PNPLA1: variants seen among roughly 807,000 people sequenced by gnomAD.
PNPLA1 encodes omega-hydroxyceramide transacylase.
In PNPLA1, 36 loss-of-function variants were observed where a neutral mutation model predicts 51.7. That is an observed-to-expected ratio of 0.70 (90% CI 0.53 to 0.92). PNPLA1 has a LOEUF of 0.92. PNPLA1 is among the 40% of genes least tolerant of loss of function. The probability of loss-of-function intolerance (pLI) is 0.00; values close to 1 mark genes in which losing one functional copy is unlikely to be tolerated. For missense variants in PNPLA1, 658 were observed against 682.5 expected, an observed-to-expected ratio of 0.96 and a Z score of 0.40; for synonymous variants, 293 against 280.1, an observed-to-expected ratio of 1.05 and a Z score of -0.46.
intron 1 of PNPLA1, among the ~76,000 whole-genome samples, chr6:36,284,240 G>A (rs1770407564): frequency 2.6e-5 from 4 of 152,226 alleles, no homozygotes; most frequent in Admixed American, 2.6e-4. Context: ...ATGACAATCG[G>A]ATATAAGCCA....
In PNPLA1 at chr6:36,288,773, A is replaced by T. The variant is rs145526196; in HGVS notation, c.206-2547A>T. 3.4e-3 allele frequency among the ~76,000 whole-genome samples: 513 copies of T among 152,038 alleles called. 2 individuals carry two copies. Among genetic ancestry groups the T allele is most frequent in the African/African-American group, 0.011 (460 of 41,500 alleles). On this transcript the variant is annotated intron_variant, in intron 1 of 8. Coordinates refer to ENST00000636260, the MANE Select transcript of PNPLA1 (RefSeq NM_001374623.1). ...ATGCCCGGCTGGAGACCCTATTTTT[A>T]AAAAAATAAAAAAATCAGCTGGGTG...
chr6:36,272,864 G>A (rs1769962466), intron 1 of PNPLA1, among the ~76,000 whole-genome samples: 3 of 152,122 alleles, frequency 2.0e-5, no homozygotes, highest in Admixed American at 2.0e-4. Flanking sequence ...TACCTCTAAT[G>A]TATAATATAA....
chr6:36,290,699 A>G (rs1399227891), intron 1 of PNPLA1, among the ~76,000 whole-genome samples: 1 of 152,198 alleles, frequency 6.6e-6, no homozygotes, highest in African/African-American at 2.4e-5. Flanking sequence ...GGCGAGCCTT[A>G]CATAGTCCAT....
intron 5 of PNPLA1, among the ~76,000 whole-genome samples, chr6:36,299,820 A>G (rs1055428396): frequency 1.3e-5 from 2 of 152,120 alleles, no homozygotes; most frequent in African/African-American, 2.4e-5. Context: ...ACTCTTTTGT[A>G]CATTTCTCAC....
At chr6:36,279,343 T>C (rs1391867802) in intron 1 of PNPLA1, among the ~76,000 whole-genome samples, 2 of 152,236 alleles carry the variant, frequency 1.3e-5, no homozygotes, top group African/African-American at 2.4e-5. Flanking sequence ...TGGCAGCTCC[T>C]GCCCACCCAG....
At chr6:36,273,541 C>T (rs1192836584) in intron 1 of PNPLA1, among the ~76,000 whole-genome samples, 4 of 151,462 alleles carry the variant, frequency 2.6e-5, no homozygotes, top group African/African-American at 4.9e-5. Flanking sequence ...TCTCCTTTTC[C>T]GGGCGCCTGC....
At chr6:36,282,214 G>GAAGGAAGT (rs1770335889) in intron 1 of PNPLA1, among the ~76,000 whole-genome samples, 1 of 56,136 alleles carries the variant, frequency 1.8e-5, no homozygotes, top group African/African-American at 5.8e-5. Flanking sequence ...GGAAGGAAGG[G>GAAGGAAGT]AAGGAAGGAA....
At chr6:36,310,114 C>A (rs1381077236) in intron 8 of PNPLA1, among the ~76,000 whole-genome samples, 1 of 152,222 alleles carries the variant, frequency 6.6e-6, no homozygotes, top group Non-Finnish European at 1.5e-5. Context: ...TAACAAACAA[C>A]CCCCCAAATC....
At chr6:36,265,844 A>G (rs1432302163), upstream of PNPLA1, among the ~76,000 whole-genome samples, 1 of 152,222 alleles carries the variant, frequency 6.6e-6, no homozygotes, top group Non-Finnish European at 1.5e-5. Context: ...TTTGCCCTTG[A>G]TAATACCCAC....
chr6:36,299,538 G>T (rs1770966419), intron 5 of PNPLA1, among the ~76,000 whole-genome samples: 1 of 152,074 alleles, frequency 6.6e-6, no homozygotes, highest in Non-Finnish European at 1.5e-5. Context: ...GTTTCGCCAT[G>T]TTGGCCAGGA....
rs534258654 is a variant in PNPLA1, at chr6:36,295,601, C to T, written c.775+177C>T. Among the ~76,000 whole-genome samples the T allele has an allele frequency of 7.2e-5, 11 of 152,254 alleles. No homozygotes were observed. In the South Asian group the frequency reaches 2.1e-3, roughly 29 times the overall value. ...ACAGGCTGCATCGCCCAGCCCAGAC[C>T]GCTGGGTCCAGAAAGTAGGATCTCC... On this transcript the variant is annotated intron_variant, in intron 5 of 8. Transcript: ENST00000636260.
chr6:36,245,180 A>C (rs1468353274), intron 1 of PNPLA1, among the ~76,000 whole-genome samples: 1 of 152,202 alleles, frequency 6.6e-6, no homozygotes, highest in East Asian at 1.9e-4. Flanking sequence ...GACTTCCTCC[A>C]GGCCCCTCAG....
chr6:36,290,794 T>C lies in PNPLA1; in HGVS notation c.206-526T>C, dbSNP rs79846036. Among the ~76,000 whole-genome samples the C allele has an allele frequency of 9.0e-3, 1,368 of 152,270 alleles. 40 individuals carry two copies. The East Asian group carries it at 0.12, about 13-fold the overall frequency. ...TGGTTTCAAGACAAAGTTCACCTCC[T>C]CCTCATGATTCACCGGCCCAAGGCC... On this transcript the variant is annotated intron_variant, in intron 1 of 8. Transcript: ENST00000636260.
chr6:36,294,108 A>T lies in PNPLA1; in HGVS notation c.505-82A>T. 1 of 1,498,950 alleles carries T rather than the reference A, an allele frequency of 6.7e-7. No individual in the cohort carries two copies. Among genetic ancestry groups the T allele is most frequent in the Admixed American group, 1.9e-5 (1 of 53,762 alleles). 92.9% of individuals were successfully genotyped at this position (1,498,950 alleles called of 1,614,324 possible). On this transcript the variant is annotated intron_variant, in intron 3 of 8. Transcript: ENST00000636260. This position sits in a 1 kb window ranked among gnomAD's most constrained non-coding sequence, Gnocchi z 4.2. The stretch of plus-strand genomic sequence containing the variant: ...GATGGGCCCTTGAAGCTGGTGCCAT[A>T]TCCCATGGGCCATTTCGATGTACCC...
chr6:36,246,651 A>C (rs922010309), intron 1 of PNPLA1, among the ~76,000 whole-genome samples: 3 of 152,184 alleles, frequency 2.0e-5, no homozygotes, highest in Non-Finnish European at 2.9e-5. Flanking sequence ...TCCTTTATGC[A>C]TAAGAAACTA....
At position 36,302,605 on chromosome 6, in the gene PNPLA1, C is replaced by T. The variant is rs956955010; in HGVS notation, c.1384+136C>T. 16 of 1,210,236 alleles carry T rather than the reference C, an allele frequency of 1.3e-5. No homozygotes were observed. The African/African-American group carries it at 2.1e-4, about 16-fold the overall frequency. The allele number at this position is 1,210,236 out of a possible 1,614,324, so 75.0% of individuals were successfully genotyped here. Reference sequence around the variant, plus strand: ...AGCAGTGAGCTTTAGCATCTCTGTCCATTATGAGGACAGTCCGCCACAAGG... The same window carrying T: ...AGCAGTGAGCTTTAGCATCTCTGTCTATTATGAGGACAGTCCGCCACAAGG... On this transcript the variant is annotated intron_variant, in intron 6 of 8. Transcript: ENST00000636260.
At position 36,295,348 on chromosome 6, in the gene PNPLA1, G is replaced by A; in HGVS notation, c.715-16G>A. 1.9e-6 allele frequency: 3 copies of A among 1,614,148 alleles called. No homozygotes were observed. In the South Asian group the frequency reaches 3.3e-5, roughly 18 times the overall value. On this transcript the variant is annotated splice_polypyrimidine_tract_variant and intron_variant, in intron 4 of 8. Coordinates refer to ENST00000636260, the MANE Select transcript of PNPLA1 (RefSeq NM_001374623.1). ...CCCCGCAGCCTTGGTAATTCTCCTG[G>A]TGCCTCCGCCCACAGATCCTGCACG...
chr6:36,297,865 T>TACACACACAC (rs112771131), intron 5 of PNPLA1, among the ~76,000 whole-genome samples: 19,053 of 133,590 alleles, frequency 0.14, 1,153 homozygotes, highest in Middle Eastern at 0.2. Flanking sequence ...TGTCTCTCTG[T>TACACACACAC]ACACACACAC....
rs749704207 is a variant in PNPLA1 at position 36,294,413 on chromosome 6, G to A, written c.714+14G>A. 3.7e-6 allele frequency: 6 copies of A among 1,610,630 alleles called. No homozygotes were observed. Among genetic ancestry groups the A allele is most frequent in the African/African-American group, 2.7e-5 (2 of 74,840 alleles). ...CCGGACCTGGTGGTGAGAGGCAGGA[G>A]GGGTCTGGGGAGTAGCAGAAGGTAC... is the stretch of plus-strand genomic sequence containing the variant. On this transcript the variant is annotated intron_variant, in intron 4 of 8. Coordinates refer to ENST00000636260, the MANE Select transcript of PNPLA1 (RefSeq NM_001374623.1). This position sits in a 1 kb window ranked among gnomAD's most constrained non-coding sequence, Gnocchi z 4.2.
Sources: allele counts gnomAD v4.1 joint callset (sites outside exome capture counted in the v4.1 genomes callset), GRCh38; gene constraint gnomAD v4.1.1; non-coding constraint Gnocchi (gnomAD v3.1); transcripts MANE v1.5; gene names NCBI Gene and HGNC (gene_info 2026-07-23, HGNC 2026-07-21).